Variants in KIAA2012 observed in about 807,000 individuals in gnomAD.
KIAA2012 encodes uncharacterized protein KIAA2012.
A neutral mutation model predicts 150.6 loss-of-function variants in KIAA2012; 125 were observed. The observed-to-expected ratio is 0.83, with a 90% CI of 0.72 to 0.96. The LOEUF is 0.96. KIAA2012 is among the 40% of genes least tolerant of loss of function. The probability of loss-of-function intolerance (pLI) is 0.00; values close to 1 mark genes in which losing one functional copy is unlikely to be tolerated. For missense variants in KIAA2012, 1,219 were observed against 1,354.9 expected, an observed-to-expected ratio of 0.90 and a Z score of 1.57; for synonymous variants, 462 against 504.7, an observed-to-expected ratio of 0.92 and a Z score of 1.13.
At chr2:202,086,601 A>G (rs1462151166) in intron 2 of KIAA2012, among the ~76,000 whole-genome samples, 2 of 152,168 alleles carry the variant, frequency 1.3e-5, no homozygotes, top group African/African-American at 4.8e-5. Flanking sequence ...TTTGCACTTG[A>G]AGTACCTGCC....
intron 14 of KIAA2012, among the ~76,000 whole-genome samples, chr2:202,158,966 C>G (rs922103301): frequency 2.0e-5 from 3 of 152,178 alleles, no homozygotes; most frequent in African/African-American, 7.2e-5. Context: ...CCTCGCAGTT[C>G]CCACACAGTT....
intron 12 of KIAA2012, among the ~76,000 whole-genome samples, chr2:202,131,998 G>T (rs1690942851): frequency 6.6e-6 from 1 of 151,258 alleles, no homozygotes; most frequent in African/African-American, 2.4e-5. Flanking sequence ...CAGAGATGGA[G>T]AAACCCCATC....
At chr2:202,109,813 A>C (rs1301704788) in intron 10 of KIAA2012, 24 bp downstream of exon 10, 11 of 1,508,352 alleles carry the variant, frequency 7.3e-6, no homozygotes, top group Non-Finnish European at 9.8e-6. Context: ...GAGTGCATAG[A>C]CGCCCCCCAC....
In KIAA2012 at chr2:202,102,986, C is replaced by T. The variant is rs1320859657; in HGVS notation, c.1196C>T (p.Pro399Leu). The T allele has an allele frequency of 1.3e-6, 2 of 1,550,508 alleles. No homozygotes were observed. The highest frequency in any genetic ancestry group is 2.0e-5 in the Admixed American group (1 of 50,990). Reference protein sequence around the residue: ...ALKLPPISEEPPRVLEPLKSQ... With the variant: ...ALKLPPISEELPRVLEPLKSQ... ...AAATTACCTCCTATCTCAGAAGAAC[C>T]ACCCAGAGTCTTGGAGCCCCTGAAG... Residue 399 changes from proline (P) to leucine (L), a missense_variant, in exon 8 of 24, where the codon CCA becomes CTA. Pro to Leu is a moderately conservative substitution (Grantham distance 98). Transcript: ENST00000498697.
intron 13 of KIAA2012, among the ~76,000 whole-genome samples, chr2:202,153,026 G>A (rs922049786): frequency 1.3e-4 from 20 of 152,146 alleles, no homozygotes; most frequent in East Asian, 5.8e-4. Flanking sequence ...TGGAAATGAG[G>A]AACCAGTGCT....
rs550559973 is a variant in KIAA2012 at position 202,196,447 on chromosome 2, G to A, written c.3188-353G>A. On this transcript the variant is annotated intron_variant, in intron 21 of 23. Transcript: ENST00000498697. ...CCTGACCTCGTGATCCGCCCGCCTC[G>A]GCCTCCCAAAGTGCTGGGATTACAG... 2.5e-4 allele frequency among the ~76,000 whole-genome samples: 38 copies of A among 151,354 alleles called. No individual in the cohort carries two copies. In the South Asian group the frequency reaches 3.4e-3, roughly 13 times the overall value.
At chr2:202,080,696 CAAAAAAAAAAAA>C (rs59085497) in intron 2 of KIAA2012, among the ~76,000 whole-genome samples, 1 of 104,760 alleles carries the variant, frequency 9.5e-6, no homozygotes, top group Admixed American at 9.9e-5. Context: ...AACTCCGTCT[CAAAAAAAAAAAA>C]AAAAAAAAGA....
chr2:202,146,975 G>A (rs1691315370), intron 13 of KIAA2012, among the ~76,000 whole-genome samples: 1 of 152,136 alleles, frequency 6.6e-6, no homozygotes, highest in Admixed American at 6.6e-5. Context: ...ATGCTTGGCA[G>A]TAGGCAGCCC....
intron 12 of KIAA2012, among the ~76,000 whole-genome samples, chr2:202,135,016 A>C (rs1167610457): frequency 1.3e-5 from 2 of 152,218 alleles, no homozygotes; most frequent in Non-Finnish European, 2.9e-5. Context: ...GAAGGAGTCC[A>C]TGATTTGAAG....
intron 13 of KIAA2012, among the ~76,000 whole-genome samples, chr2:202,149,557 G>GA (rs1691380162): frequency 6.6e-6 from 1 of 152,240 alleles, no homozygotes; most frequent in African/African-American, 2.4e-5. Context: ...GCGTGGGAGG[G>GA]AGTTAGACAG....
intron 16 of KIAA2012, among the ~76,000 whole-genome samples, 153 bp from the exon 17 acceptor site, chr2:202,186,780 T>G (rs1309096338): frequency 6.6e-6 from 1 of 152,160 alleles, no homozygotes; most frequent in Non-Finnish European, 1.5e-5. Context: ...TTCCTTACCA[T>G]GGGATGTGCA....
intron 2 of KIAA2012, among the ~76,000 whole-genome samples, chr2:202,088,280 G>C (rs1173538370): frequency 2.6e-5 from 4 of 152,158 alleles, no homozygotes; most frequent in African/African-American, 4.8e-5. Context: ...AAGAAGTGAG[G>C]GGGAATAAGT....
intron 11 of KIAA2012, chr2:202,116,747 C>G (rs536493523): frequency 1.3e-5 from 2 of 152,136 alleles, no homozygotes; most frequent in African/African-American, 4.8e-5. Flanking sequence ...AACTCTTCTC[C>G]CCTTGAGTGT....
intron 13 of KIAA2012, 138 bp from the exon 14 acceptor site, chr2:202,154,535 A>C: frequency 1.3e-6 from 1 of 758,960 alleles, no homozygotes. Context: ...TGTCTTCAAC[A>C]GTAACAATAG....
intron 9 of KIAA2012, 111 bp downstream of exon 9, chr2:202,106,021 T>C: frequency 1.3e-6 from 2 of 1,543,488 alleles, no homozygotes; most frequent in Non-Finnish European, 8.7e-7. Flanking sequence ...GGGAGGTTAG[T>C]TCACCAGCAG....
intron 14 of KIAA2012, among the ~76,000 whole-genome samples, chr2:202,156,359 G>T (rs78060544): frequency 1.3e-5 from 2 of 152,020 alleles, no homozygotes; most frequent in Non-Finnish European, 2.9e-5. Flanking sequence ...CTTCACTTAG[G>T]GCTGAGAGAA....
intron 13 of KIAA2012, among the ~76,000 whole-genome samples, chr2:202,139,771 A>G (rs1370306372): frequency 6.6e-6 from 1 of 152,198 alleles, no homozygotes; most frequent in Non-Finnish European, 1.5e-5. Flanking sequence ...CGGGATCTAG[A>G]GACAGAGTTT....
intron 15 of KIAA2012, among the ~76,000 whole-genome samples, chr2:202,176,119 A>G (rs955846484): frequency 1.3e-5 from 2 of 152,264 alleles, no homozygotes; most frequent in African/African-American, 2.4e-5. Flanking sequence ...AAAATATAGC[A>G]GAATATTTTT....
At position 202,099,635 on chromosome 2, in the gene KIAA2012, T is replaced by A; in HGVS notation, c.851T>A (p.Leu284His). ...QAEDTSIENH[L>H]CLYASKESYN... ...TAGGACACGTCAATAGAGAATCACC[T>A]TTGTTTATATGCTTCAAAGGAGAGC... is the stretch of plus-strand genomic sequence containing the variant. Residue 284 changes from leucine (L) to histidine (H), a missense_variant, in exon 6 of 24, where the codon CTT becomes CAT. Leu to His is a moderately conservative substitution (Grantham distance 99). Transcript: ENST00000498697. 6.5e-7 allele frequency: 1 copy of A among 1,550,224 alleles called. No individual in the cohort carries two copies. The highest frequency in any genetic ancestry group is 8.7e-7 in the Non-Finnish European group (1 of 1,146,810).
Sources: gnomAD v4.1 joint callset for allele counts (sites outside exome capture counted in the v4.1 genomes callset) on GRCh38, gnomAD v4.1.1 for gene constraint, MANE v1.5 for transcripts, NCBI Gene and HGNC (gene_info 2026-07-23, HGNC 2026-07-21) for gene names.